The following PHLPP2 variants were observed in gnomAD, a reference collection of about 807,000 sequenced individuals.
PHLPP2 encodes the protein PH domain leucine-rich repeat-containing protein phosphatase 2.
A neutral mutation model predicts 124.9 loss-of-function variants in PHLPP2; 66 were observed. The observed-to-expected ratio is 0.53, with a 90% CI of 0.43 to 0.65. PHLPP2 has a LOEUF of 0.65. Among genes scored for constraint, PHLPP2 ranks in the 30% least tolerant of loss-of-function variants. PHLPP2 has a pLI of 0.00. For missense variants in PHLPP2, 1,685 were observed against 1,600.4 expected (o/e 1.05, Z -0.90); for synonymous variants, 681 against 624.7 (o/e 1.09, Z -1.34).
intron 13 of PHLPP2, among the ~76,000 whole-genome samples, chr16:71,660,423 T>G (rs1298416820): frequency 5.0e-4 from 6 of 12,000 alleles, no homozygotes; most frequent in African/African-American, 1.9e-3. Flanking sequence ...TACACTGTAT[T>G]TTTTTTTTTT....
intron 2 of PHLPP2, among the ~76,000 whole-genome samples, chr16:71,714,009 G>A (rs1009062259): frequency 4.7e-5 from 7 of 148,080 alleles, no homozygotes; most frequent in African/African-American, 1.5e-4. Context: ...GCATGATCTC[G>A]GCTCACCGCA....
intron 3 of PHLPP2, among the ~76,000 whole-genome samples, chr16:71,695,940 C>A (rs538678601): frequency 2.6e-5 from 4 of 152,202 alleles, no homozygotes; most frequent in Admixed American, 2.6e-4. Flanking sequence ...ATCTATAGAG[C>A]AGTTAATGGA....
intron 1 of PHLPP2, chr16:71,723,207 C>G (rs1352741362): frequency 1.3e-5 from 2 of 152,270 alleles, no homozygotes; most frequent in Non-Finnish European, 2.9e-5. Context: ...GTCGTCCTTG[C>G]CGGCTGGCAC....
At chr16:71,689,126 G>A (rs2045081675) in intron 4 of PHLPP2, among the ~76,000 whole-genome samples, 1 of 152,128 alleles carries the variant, frequency 6.6e-6, no homozygotes. Flanking sequence ...CAACCTTTCA[G>A]ACCCAGAGCC....
chr16:71,717,958 C>G (rs962822217), intron 1 of PHLPP2, among the ~76,000 whole-genome samples: 29 of 152,304 alleles, frequency 1.9e-4, no homozygotes, highest in African/African-American at 6.7e-4. Flanking sequence ...GTGGCGTGAT[C>G]ATAGCCCACG....
rs11864542 is a variant in PHLPP2, at chr16:71,655,906, C to G, written c.2391-472G>C. Among the ~76,000 whole-genome samples, 659 of 152,250 alleles carry G rather than the reference C, an allele frequency of 4.3e-3. 11 individuals carry two copies. The highest frequency in any genetic ancestry group is 0.015 in the African/African-American group (638 of 41,526). ...GATAATTAAGCAACATCTGAAAGAG[C>G]TAATGTCCTAAGGAAAGGGGAAACA... is the stretch of plus-strand genomic sequence containing the variant. On this transcript the variant is annotated intron_variant, in intron 16 of 18. Transcript: ENST00000568954.
At chr16:71,682,525 C>T (rs2045011755) in intron 5 of PHLPP2, among the ~76,000 whole-genome samples, 1 of 152,116 alleles carries the variant, frequency 6.6e-6, no homozygotes, top group Non-Finnish European at 1.5e-5. Flanking sequence ...ATGGAAAAAA[C>T]TTTAAGAGGC....
chr16:71,664,163 C>T (rs946433940), intron 12 of PHLPP2, 64 bp from the exon 13 acceptor site: 142 of 1,086,028 alleles, frequency 1.3e-4, no homozygotes, highest in Non-Finnish European at 1.9e-4. Context: ...TATATAGAAA[C>T]CATCATGTCA....
chr16:71,667,126 G>T, intron 12 of PHLPP2, 52 bp downstream of exon 12: 1 of 1,457,932 alleles, frequency 6.9e-7, no homozygotes, highest in Non-Finnish European at 9.5e-7. Context: ...AGTCACTGCA[G>T]TCTGTTTAGC....
rs997303908 is a variant in PHLPP2, at chr16:71,645,828, T to G, written c.*3062A>C. ...GTAATTCAATGACTTGACTCTATAGTGCACTGCAGCTTTATGTCATACCAA... is the reference window on the plus strand; with the variant it reads ...GTAATTCAATGACTTGACTCTATAGGGCACTGCAGCTTTATGTCATACCAA... On this transcript the variant is annotated 3_prime_UTR_variant, in exon 19 of 19. Coordinates refer to ENST00000568954, the MANE Select transcript of PHLPP2 (RefSeq NM_015020.3). The G allele has an allele frequency of 1.1e-4, 17 of 152,768 alleles. No individual in the cohort carries two copies. The allele number at this position is 152,768 out of a possible 1,614,324, so 9.5% of individuals were successfully genotyped here. A position where few individuals can be genotyped will look rare whatever the true frequency, so the allele number is the denominator to read the frequency against.
intron 1 of PHLPP2, chr16:71,723,847 C>G: frequency 8.2e-7 from 1 of 1,222,166 alleles, no homozygotes; most frequent in Non-Finnish European, 1.0e-6. Flanking sequence ...GGCCCGCGGG[C>G]CCCGGCTCCA....
chr16:71,681,658 G>A (rs1597002129), intron 6 of PHLPP2, 93 bp downstream of exon 6: 1 of 973,032 alleles, frequency 1.0e-6, no homozygotes, highest in Non-Finnish European at 1.5e-6. Flanking sequence ...GGAAATTTTA[G>A]AATATACATA....
rs1335480756 is a variant in PHLPP2, at chr16:71,684,467, A to G, written c.735+9T>C. 1 of 1,613,572 alleles carries G rather than the reference A, an allele frequency of 6.2e-7. No homozygotes were observed. The highest frequency in any genetic ancestry group is 1.7e-5 in the Admixed American group (1 of 59,994). Reference sequence around the variant, plus strand: ...TATCTCCACATCAGAACATCCCATTACTTTTCACCTTGGATGCTTGCCGTT... The same window carrying G: ...TATCTCCACATCAGAACATCCCATTGCTTTTCACCTTGGATGCTTGCCGTT... On this transcript the variant is annotated intron_variant, in intron 5 of 18. Coordinates refer to ENST00000568954, the MANE Select transcript of PHLPP2 (RefSeq NM_015020.3).
In PHLPP2 at chr16:71,684,316, G is replaced by C. The variant is rs145715611; in HGVS notation, c.735+160C>G. On this transcript the variant is annotated intron_variant, in intron 5 of 18. Coordinates refer to ENST00000568954, the MANE Select transcript of PHLPP2 (RefSeq NM_015020.3). ...AATTTTTTGTATTTTAGTAGAGACAGGGTTTCACCATGTTGGTCAGACTGG... is the reference window on the plus strand; with the variant it reads ...AATTTTTTGTATTTTAGTAGAGACACGGTTTCACCATGTTGGTCAGACTGG... 4.2e-3 allele frequency among the ~76,000 whole-genome samples: 645 copies of C among 151,780 alleles called. 10 individuals are homozygous for C. Among genetic ancestry groups the C allele is most frequent in the African/African-American group, 0.015 (625 of 41,378 alleles).
chr16:71,677,280 G>A (rs762375290), intron 8 of PHLPP2: 1 of 153,414 alleles, frequency 6.5e-6, no homozygotes. Context: ...TAGGACAAAG[G>A]AACAGGAAGA....
In PHLPP2 at chr16:71,713,601, T is replaced by C. The variant is rs113251034; in HGVS notation, c.284+911A>G. ...ATTAATAGAAGACTGGCTAAAATTA[T>C]AGTAGACTCAAAATTGAACACTACT... On this transcript the variant is annotated intron_variant, in intron 2 of 18. Coordinates refer to ENST00000568954, the MANE Select transcript of PHLPP2 (RefSeq NM_015020.3). 5.9e-5 allele frequency among the ~76,000 whole-genome samples: 9 copies of C among 152,288 alleles called. 1 individual carries two copies. The highest frequency in any genetic ancestry group is 1.9e-4 in the East Asian group (1 of 5,180).
chr16:71,697,924 T>G (rs1313923885), intron 3 of PHLPP2, among the ~76,000 whole-genome samples: 2 of 148,424 alleles, frequency 1.3e-5, no homozygotes, highest in Admixed American at 1.4e-4. Flanking sequence ...CTCAGCTCAC[T>G]GCAAGCTCTG....
intron 2 of PHLPP2, 143 bp downstream of exon 2, chr16:71,714,369 T>A (rs1462049444): frequency 1.8e-5 from 20 of 1,110,200 alleles, no homozygotes; most frequent in Non-Finnish European, 1.8e-5. Flanking sequence ...AAAGTCAGCC[T>A]TCCAAGGACA....
At chr16:71,655,104 A>T in intron 17 of PHLPP2, 136 bp downstream of exon 17, 1 of 656,000 alleles carries the variant, frequency 1.5e-6, no homozygotes, top group Non-Finnish European at 2.7e-6. Context: ...TCATATAGAG[A>T]ATGATCATAG....
Sources: gnomAD v4.1 joint callset for allele counts (sites outside exome capture counted in the v4.1 genomes callset) on GRCh38, gnomAD v4.1.1 for gene constraint, MANE v1.5 for transcripts, NCBI Gene and HGNC (gene_info 2026-07-23, HGNC 2026-07-21) for gene names.